The following OR1L8 variants were observed in gnomAD, a reference collection of about 807,000 sequenced individuals.
OR1L8 encodes olfactory receptor family 1 subfamily L member 8.
For missense variants in OR1L8, 330 were observed against 377.4 expected (o/e 0.87, Z 1.04); for synonymous variants, 148 against 147.0 (o/e 1.01, Z -0.05).
At chr9:122,551,123 C>G in the OR1L8 span, among the ~76,000 whole-genome samples, 1 of 152,088 alleles carries the variant, frequency 6.6e-6, no homozygotes, top group Non-Finnish European at 1.5e-5. Context: ...AACAATCAAG[C>G]TGAGAACCAA....
chr9:122,565,690 G>A (rs1345793760), downstream of OR1L8, among the ~76,000 whole-genome samples: 3 of 152,230 alleles, frequency 2.0e-5, no homozygotes, highest in Non-Finnish European at 4.4e-5. Context: ...CATAATACCT[G>A]ACAGGTAGTT....
At chr9:122,569,453 A>G (rs779605421) in intron 4 of OR1L8, among the ~76,000 whole-genome samples, 2 of 77,900 alleles carry the variant, frequency 2.6e-5, no homozygotes, top group African/African-American at 1.0e-4. Context: ...AAACTCTGCA[A>G]TGAGAATTTT....
At chr9:122,553,358 C>T in the OR1L8 span, 1 of 1,614,012 alleles carries the variant, frequency 6.2e-7, no homozygotes, top group Non-Finnish European at 8.5e-7. Flanking sequence ...TGCTCATTAT[C>T]CTGGCCATCA....
At chr9:122,558,311 C>CTTTT in the OR1L8 span, among the ~76,000 whole-genome samples, 411 of 34,470 alleles carry the variant, frequency 0.012, 100 homozygotes, top group South Asian at 0.017. Flanking sequence ...TTGGATTTTG[C>CTTTT]TTTTTTTTTT....
chr9:122,549,598 G>A, the OR1L8 span, among the ~76,000 whole-genome samples: 1 of 152,132 alleles, frequency 6.6e-6, no homozygotes, highest in Non-Finnish European at 1.5e-5. Flanking sequence ...AATTTTCCTA[G>A]AACTGTTTGT....
At chr9:122,554,009 A>C in the OR1L8 span, 4 of 1,613,774 alleles carry the variant, frequency 2.5e-6, no homozygotes, top group Non-Finnish European at 3.4e-6. Context: ...TACTTCCTCC[A>C]TCAACTTACT....
chr9:122,552,309 G>C, the OR1L8 span, among the ~76,000 whole-genome samples: 2 of 152,070 alleles, frequency 1.3e-5, no homozygotes, highest in African/African-American at 4.8e-5. Context: ...AAACAGACTG[G>C]TTATTTTCAA....
Position 122,568,584 on chromosome 9 carries a change from C to T in OR1L8, c.-107G>A. On this transcript the variant is annotated 5_prime_UTR_variant, in exon 5 of 5. It adds an upstream start codon to the 5' untranslated region. Transcript: ENST00000641027. The stretch of plus-strand genomic sequence containing the variant: ...AGTCTTTGTTTCTTCTGTTTGGTCA[C>T]AATTAGCTACTGTGCTAATTGTGGG... 1 of 682,696 alleles carries T rather than the reference C, an allele frequency of 1.5e-6. No homozygotes were observed. The highest frequency in any genetic ancestry group is 2.0e-5 in the South Asian group (1 of 50,036). 42.3% of individuals were successfully genotyped at this position (682,696 alleles called of 1,614,324 possible).
chr9:122,546,294 G>A, the OR1L8 span, among the ~76,000 whole-genome samples: 742 of 152,162 alleles, frequency 4.9e-3, 1 homozygote, highest in Non-Finnish European at 8.1e-3. Context: ...ACAATTTTTT[G>A]CCACTCTTCC....
chr9:122,560,063 T>A, the OR1L8 span, among the ~76,000 whole-genome samples: 61 of 152,296 alleles, frequency 4.0e-4, no homozygotes, highest in South Asian at 0.012. Context: ...TGTTGCATTG[T>A]TCCTTTTACC....
intron 3 of OR1L8, among the ~76,000 whole-genome samples, chr9:122,574,012 T>C (rs1227702749): frequency 6.6e-6 from 1 of 152,216 alleles, no homozygotes; most frequent in Non-Finnish European, 1.5e-5. Context: ...TATATGTCTT[T>C]GCTGTTTGTC....
chr9:122,582,216 T>A (rs528717481), intron 1 of OR1L8, among the ~76,000 whole-genome samples: 21 of 152,338 alleles, frequency 1.4e-4, no homozygotes, highest in Non-Finnish European at 2.9e-4. Flanking sequence ...AAGGATATAT[T>A]TTTAAACTTC....
At chr9:122,565,179 A>G (rs1026349387), downstream of OR1L8, among the ~76,000 whole-genome samples, 1 of 152,228 alleles carries the variant, frequency 6.6e-6, no homozygotes, top group Non-Finnish European at 1.5e-5. Flanking sequence ...TTTTAGAGGA[A>G]ACACATTCTG....
At chr9:122,554,176 C>T in the OR1L8 span, 446,825 of 1,582,326 alleles carry the variant, frequency 0.28, 73,196 homozygotes, top group East Asian at 0.83. Context: ...GACATCTAGA[C>T]GGTGATGTCT....
the OR1L8 span, among the ~76,000 whole-genome samples, chr9:122,549,201 T>C: frequency 2.6e-5 from 4 of 152,028 alleles, no homozygotes; most frequent in Non-Finnish European, 5.9e-5. Context: ...AATGAGTCCA[T>C]GTGAAAGCTG....
intron 3 of OR1L8, among the ~76,000 whole-genome samples, chr9:122,574,610 A>G (rs913227519): frequency 6.8e-6 from 1 of 146,340 alleles, no homozygotes; most frequent in East Asian, 2.0e-4. Flanking sequence ...TGGATTTTCT[A>G]TATAGACAAT....
At chr9:122,554,262 T>C in the OR1L8 span, 1 of 922,102 alleles carries the variant, frequency 1.1e-6, no homozygotes, top group Non-Finnish European at 1.6e-6. Context: ...AGGGGAAGGT[T>C]ATCCGTTGAC....
At chr9:122,578,731 C>A (rs1014442346) in intron 1 of OR1L8, among the ~76,000 whole-genome samples, 1 of 152,054 alleles carries the variant, frequency 6.6e-6, no homozygotes, top group Admixed American at 6.6e-5. Flanking sequence ...ATCGTATGTT[C>A]TCACTCATAA....
the OR1L8 span, among the ~76,000 whole-genome samples, chr9:122,551,298 C>T: frequency 3.2e-4 from 49 of 152,318 alleles, no homozygotes; most frequent in African/African-American, 1.1e-3. Context: ...CCACTCTCTC[C>T]ACTTAATAGA....
Sources: allele counts gnomAD v4.1 joint callset (sites outside exome capture counted in the v4.1 genomes callset), GRCh38; gene constraint gnomAD v4.1.1; transcripts MANE v1.5; gene names NCBI Gene and HGNC (gene_info 2026-07-23, HGNC 2026-07-21).